Variants in CTBP2 observed in about 807,000 individuals in gnomAD.
The protein encoded by CTBP2 is C-terminal-binding protein 2.
Under a neutral mutation model 80.3 loss-of-function variants are expected in CTBP2, and 30 were observed. The observed-to-expected ratio is 0.37, with a 90% CI of 0.28 to 0.51. CTBP2 has a LOEUF of 0.51. Ranked by LOEUF, CTBP2 falls within the 20% of genes least tolerant of loss-of-function variation. The pLI is 0.93. For missense variants in CTBP2, 1,212 were observed against 1,375.3 expected (o/e 0.88, Z 1.88); for synonymous variants, 594 against 587.4 (o/e 1.01, Z -0.16).
chr10:124,993,923 T>C lies in CTBP2; in HGVS notation c.2463A>G (p.Leu821=). The C allele has an allele frequency of 1.2e-6, 2 of 1,614,182 alleles. No homozygotes were observed. The highest frequency in any genetic ancestry group is 2.2e-5 in the East Asian group (1 of 44,886). Residue 821 remains leucine (L), a synonymous_variant, in exon 6 of 9, where the codon TTA becomes TTG. Transcript: ENST00000309035. The stretch of plus-strand genomic sequence containing the variant: ...TCCTGCCCTCCTTGAGGGCTTGTGC[T>C]AAGGCTTTCTCGTCCACCAGGCCGC...
At chr10:125,149,905 G>A (rs564693116) in intron 1 of CTBP2, among the ~76,000 whole-genome samples, 36 of 152,348 alleles carry the variant, frequency 2.4e-4, no homozygotes, top group Middle Eastern at 3.4e-3. Flanking sequence ...AAAGAAGGCT[G>A]TTCCCTTTGT....
At chr10:125,052,317 G>A (rs1962977217) in intron 2 of CTBP2, among the ~76,000 whole-genome samples, 1 of 152,196 alleles carries the variant, frequency 6.6e-6, no homozygotes, top group East Asian at 1.9e-4. Context: ...GGCCTGAGGT[G>A]TGCCCGTGGC....
intron 2 of CTBP2, among the ~76,000 whole-genome samples, chr10:125,091,691 GC>G (rs1848783229): frequency 1.3e-5 from 2 of 152,320 alleles, no homozygotes; most frequent in African/African-American, 4.8e-5. Flanking sequence ...GACTGCTTGA[GC>G]CCGGAGGTCA....
intron 2 of CTBP2, among the ~76,000 whole-genome samples, chr10:125,056,092 C>CAGGCAGAGGTTACAGT (rs1963849278): frequency 1.3e-5 from 2 of 151,882 alleles, no homozygotes; most frequent in African/African-American, 4.8e-5. Flanking sequence ...TTCAGCCTGA[C>CAGGCAGAGGTTACAGT]AGGCAGAGGT....
At chr10:125,037,450 A>C (rs1030838804) in intron 3 of CTBP2, among the ~76,000 whole-genome samples, 3 of 152,176 alleles carry the variant, frequency 2.0e-5, no homozygotes, top group Non-Finnish European at 4.4e-5. Context: ...ACCTCAATCA[A>C]GCACCTTTAC....
At chr10:125,057,163 T>TA (rs1419407540) in intron 2 of CTBP2, among the ~76,000 whole-genome samples, 3 of 152,132 alleles carry the variant, frequency 2.0e-5, no homozygotes, top group South Asian at 2.1e-4. Flanking sequence ...AACGGATTGT[T>TA]AGAGACAAAA....
chr10:125,119,413 G>C (rs1001014425), intron 1 of CTBP2, among the ~76,000 whole-genome samples: 1 of 152,194 alleles, frequency 6.6e-6, no homozygotes, highest in African/African-American at 2.4e-5. Flanking sequence ...AAGTGGTCAA[G>C]ATGTACCAGA....
chr10:125,063,644 C>A (rs1302126602), intron 2 of CTBP2, among the ~76,000 whole-genome samples: 1 of 152,216 alleles, frequency 6.6e-6, no homozygotes, highest in Non-Finnish European at 1.5e-5. Context: ...TACGATTTAT[C>A]AGCTCATGGA....
chr10:125,146,712 C>T (rs1858845568), intron 1 of CTBP2, among the ~76,000 whole-genome samples: 1 of 152,180 alleles, frequency 6.6e-6, no homozygotes, highest in South Asian at 2.1e-4. Flanking sequence ...CTTGCCATTT[C>T]ACGCACATGA....
intron 2 of CTBP2, among the ~76,000 whole-genome samples, chr10:125,102,041 A>T (rs1446645814): frequency 1.3e-5 from 2 of 152,156 alleles, no homozygotes; most frequent in African/African-American, 4.8e-5. Context: ...TTCTTGACTA[A>T]GCTCTTAACA....
intron 1 of CTBP2, among the ~76,000 whole-genome samples, chr10:125,116,603 C>T (rs1853345831): frequency 6.6e-6 from 1 of 152,186 alleles, no homozygotes; most frequent in African/African-American, 2.4e-5. Context: ...AGACACAGCT[C>T]AGATACCCCA....
At chr10:125,008,724 GAATA>G (rs1003390046) in intron 1 of CTBP2, among the ~76,000 whole-genome samples, 6 of 152,340 alleles carry the variant, frequency 3.9e-5, no homozygotes, top group South Asian at 2.1e-4. Context: ...GTCTAATTAG[GAATA>G]AATACTAACT....
intron 1 of CTBP2, among the ~76,000 whole-genome samples, chr10:125,153,142 T>TGTTCC (rs1860299384): frequency 1.3e-5 from 2 of 152,228 alleles, no homozygotes; most frequent in Admixed American, 1.3e-4. Context: ...TAAGGCCACA[T>TGTTCC]GACCGCACAG....
rs1422734886 is a variant in CTBP2 at position 125,027,017 on chromosome 10, A to T, written c.743T>A (p.Val248Glu). The change falls in exon 1 of 9, where the codon GTG becomes GAG. Residue 248 changes from valine to glutamate, a missense_variant. By Grantham distance (121) the Val-to-Glu change is moderately radical. This residue lies in a region of CTBP2 where 848 missense variants were observed against 782.3 expected (regional missense o/e 1.08). Coordinates refer to ENST00000309035, the MANE Select transcript of CTBP2 (RefSeq NM_022802.3). ...GCCACGATTCAGGGCCCCTGGGGCC[A>T]CCCCTGTGCTGCCTTCGGGGGCAGC... 6.2e-7 allele frequency: 1 copy of T among 1,613,870 alleles called. No homozygotes were observed. Among genetic ancestry groups the T allele is most frequent in the Admixed American group, 1.7e-5 (1 of 60,016 alleles).
In CTBP2 at chr10:125,036,666, GGGGTGTGTGTGTGT is replaced by G. The variant is rs1410161687; in HGVS notation, c.58+2317_58+2330del. On this transcript the variant is annotated intron_variant, in intron 3 of 10. Coordinates refer to the CTBP2 transcript ENST00000337195. ...ACATGGTGAGAATTCAAAGCTAGAG[GGGGTGTGTGTGTGT>G]GTGTGTGTGTGTGTGTGTGTGTGTG... Among the ~76,000 whole-genome samples, 229 of 100,316 alleles carry G rather than the reference GGGGTGTGTGTGTGT, an allele frequency of 2.3e-3. 4 individuals carry two copies. The Middle Eastern group carries it at 0.03, about 13-fold the overall frequency. The allele number at this position is 100,316 out of a possible 152,430, so 65.8% of individuals were successfully genotyped here.
At chr10:124,993,464 A>G (rs1952997471) in intron 6 of CTBP2, 135 bp from the exon 9 acceptor site, 1 of 1,040,804 alleles carries the variant, frequency 9.6e-7, no homozygotes, top group South Asian at 2.1e-5. Context: ...ATCTGTGATG[A>G]TATTTTATGA....
intron 2 of CTBP2, among the ~76,000 whole-genome samples, chr10:125,052,514 T>C (rs1274526231): frequency 1.3e-5 from 2 of 152,212 alleles, no homozygotes; most frequent in African/African-American, 4.8e-5. Flanking sequence ...GTTTGGACCG[T>C]CCTGCCTTTG....
chr10:125,097,636 A>G (rs1251389244), intron 2 of CTBP2, among the ~76,000 whole-genome samples: 1 of 152,076 alleles, frequency 6.6e-6, no homozygotes, highest in Non-Finnish European at 1.5e-5. Context: ...ACACGTGTGC[A>G]TATCAGTGTG....
chr10:124,994,189 C>T (rs974309638), intron 5 of CTBP2, among the ~76,000 whole-genome samples: 30 of 152,296 alleles, frequency 2.0e-4, no homozygotes, highest in Admixed American at 5.9e-4. Context: ...GGAAGCAACA[C>T]GGTGGAAAGG....
Sources: allele counts gnomAD v4.1 joint callset (sites outside exome capture counted in the v4.1 genomes callset), GRCh38; gene constraint gnomAD v4.1.1; regional missense constraint gnomAD v4.1.1; transcripts MANE v1.5; gene names NCBI Gene and HGNC (gene_info 2026-07-23, HGNC 2026-07-21).